The following SESTD1 variants were observed in gnomAD, a reference collection of about 807,000 sequenced individuals.
The protein encoded by SESTD1 is SEC14 domain and spectrin repeat-containing protein 1.
A neutral mutation model predicts 101.7 loss-of-function variants in SESTD1; 43 were observed. That is an observed-to-expected ratio of 0.42 (90% CI 0.33 to 0.55). SESTD1 has a LOEUF of 0.55. SESTD1 is among the 20% of genes least tolerant of loss of function. The pLI is 0.07. For missense variants in SESTD1, 647 were observed against 815.1 expected, an observed-to-expected ratio of 0.79 and a Z score of 2.51; for synonymous variants, 283 against 286.8, an observed-to-expected ratio of 0.99 and a Z score of 0.13.
At chr2:179,124,782 G>A (rs1474640863) in intron 10 of SESTD1, among the ~76,000 whole-genome samples, 3 of 151,810 alleles carry the variant, frequency 2.0e-5, no homozygotes, top group African/African-American at 4.8e-5. Flanking sequence ...AAACCTGTCC[G>A]CCCTCAGTCA....
At position 179,172,946 on chromosome 2, in the gene SESTD1, G is replaced by T. The variant is rs185820816; in HGVS notation, c.256-713C>A. Among the ~76,000 whole-genome samples, 282 of 152,204 alleles carry T rather than the reference G, an allele frequency of 1.9e-3. 1 individual carries two copies. Among genetic ancestry groups the T allele is most frequent in the African/African-American group, 6.5e-3 (268 of 41,514 alleles). Reference sequence around the variant, plus strand: ...CTTTCTGAAATATCATCATTACAAGGCTCCTTGCTTGACTTTCTCTTGCAC... The same window carrying T: ...CTTTCTGAAATATCATCATTACAAGTCTCCTTGCTTGACTTTCTCTTGCAC... On this transcript the variant is annotated intron_variant, in intron 4 of 17. Transcript: ENST00000428443.
chr2:179,105,663 A>C lies in SESTD1; in HGVS notation c.*4236T>G, dbSNP rs1452857738. On this transcript the variant is annotated 3_prime_UTR_variant, in exon 18 of 18. Transcript: ENST00000428443. The stretch of plus-strand genomic sequence containing the variant: ...TTATTCTGAAAAGATAATTATAGCA[A>C]TGATACCTTCCATTCTGTTTATTTC... 1.3e-5 allele frequency: 2 copies of C among 152,188 alleles called. No homozygotes were observed. The highest frequency in any genetic ancestry group is 4.8e-5 in the African/African-American group (2 of 41,446). 9.4% of individuals were successfully genotyped at this position (152,188 alleles called of 1,614,324 possible).
intron 1 of SESTD1, among the ~76,000 whole-genome samples, chr2:179,231,015 A>G (rs1323480486): frequency 6.6e-6 from 1 of 152,204 alleles, no homozygotes; most frequent in African/African-American, 2.4e-5. Context: ...CAAAACATAT[A>G]GAAAGCAAGG....
chr2:179,168,018 CT>C (rs2045866352), intron 5 of SESTD1, among the ~76,000 whole-genome samples: 1 of 152,292 alleles, frequency 6.6e-6, no homozygotes, highest in Admixed American at 6.5e-5. Flanking sequence ...CTGCCTTGGC[CT>C]CCCAAAGTGC....
chr2:179,104,299 C>A lies in SESTD1; in HGVS notation c.*5600G>T, dbSNP rs911054146. The stretch of plus-strand genomic sequence containing the variant: ...TCGATCCTTTCACCTTTACAAAATA[C>A]AATACATATATTTTGATGATATATT... On this transcript the variant is annotated 3_prime_UTR_variant, in exon 18 of 18. Coordinates refer to ENST00000428443, the MANE Select transcript of SESTD1 (RefSeq NM_178123.5). 1.3e-5 allele frequency: 2 copies of A among 152,074 alleles called. No homozygotes were observed. The allele number at this position is 152,074 out of a possible 1,614,324, so 9.4% of individuals were successfully genotyped here. A position where few individuals can be genotyped will look rare whatever the true frequency, so the allele number is the denominator to read the frequency against.
intron 2 of SESTD1, among the ~76,000 whole-genome samples, chr2:179,190,156 C>T (rs1205522081): frequency 6.6e-6 from 1 of 152,126 alleles, no homozygotes; most frequent in African/African-American, 2.4e-5. Flanking sequence ...AACTACACTA[C>T]AAGGCTGCAG....
At chr2:179,169,941 T>A (rs1234752637) in intron 5 of SESTD1, among the ~76,000 whole-genome samples, 2 of 141,936 alleles carry the variant, frequency 1.4e-5, no homozygotes, top group Admixed American at 1.5e-4. Flanking sequence ...ACCACTGCAC[T>A]CCAGCCTGGG....
Position 179,109,884 on chromosome 2 carries a change from G to A in SESTD1, c.*15C>T. On this transcript the variant is annotated 3_prime_UTR_variant, in exon 18 of 18. Transcript: ENST00000428443. ...CGGGATTATGAACTGCAAATCTGTAGGTAGCTGGTAGCTATTAGCTCTCTG... is the reference window on the plus strand; with the variant it reads ...CGGGATTATGAACTGCAAATCTGTAAGTAGCTGGTAGCTATTAGCTCTCTG... 2 of 1,612,830 alleles carry A rather than the reference G, an allele frequency of 1.2e-6. No individual in the cohort carries two copies. The highest frequency in any genetic ancestry group is 1.7e-6 in the Non-Finnish European group (2 of 1,179,464).
At chr2:179,219,728 T>C (rs1462078886) in intron 1 of SESTD1, among the ~76,000 whole-genome samples, 1 of 152,224 alleles carries the variant, frequency 6.6e-6, no homozygotes, top group Non-Finnish European at 1.5e-5. Context: ...TTGTGTGTTA[T>C]TGCAGGTGCC....
At chr2:179,128,381 G>C (rs1017531606) in intron 10 of SESTD1, among the ~76,000 whole-genome samples, 1 of 152,032 alleles carries the variant, frequency 6.6e-6, no homozygotes, top group African/African-American at 2.4e-5. Context: ...AAAAAAATCT[G>C]GCTAATACAT....
At chr2:179,217,693 C>A (rs565501045) in intron 1 of SESTD1, among the ~76,000 whole-genome samples, 1 of 152,064 alleles carries the variant, frequency 6.6e-6, no homozygotes, top group Non-Finnish European at 1.5e-5. Flanking sequence ...ATGTTTACTG[C>A]GGCACTATTC....
rs2154393384 is a variant in SESTD1 at position 179,104,451 on chromosome 2, A to T, written c.*5448T>A. ...AGACTAAAAAAGAATCTGTAACTGTAATAGAAAAGAAGTGAGGCTTGGTCA... is the reference window on the plus strand; with the variant it reads ...AGACTAAAAAAGAATCTGTAACTGTTATAGAAAAGAAGTGAGGCTTGGTCA... On this transcript the variant is annotated 3_prime_UTR_variant, in exon 18 of 18. Coordinates refer to ENST00000428443, the MANE Select transcript of SESTD1 (RefSeq NM_178123.5). 1 of 152,276 alleles carries T rather than the reference A, an allele frequency of 6.6e-6. No homozygotes were observed. The highest frequency in any genetic ancestry group is 2.4e-5 in the African/African-American group (1 of 41,560). The allele number at this position is 152,276 out of a possible 1,614,324, so 9.4% of individuals were successfully genotyped here.
chr2:179,145,843 A>G (rs1257902021), intron 8 of SESTD1, among the ~76,000 whole-genome samples: 1 of 152,234 alleles, frequency 6.6e-6, no homozygotes, highest in African/African-American at 2.4e-5. Flanking sequence ...TGAAAAATAA[A>G]AATACATAAA....
At chr2:179,261,412 CTG>C in intron 1 of SESTD1, among the ~76,000 whole-genome samples, 1 of 152,140 alleles carries the variant, frequency 6.6e-6, no homozygotes, top group East Asian at 1.9e-4. Flanking sequence ...CTCTTATTAA[CTG>C]TAAGGTTAAA....
chr2:179,145,702 G>A (rs566771222), intron 8 of SESTD1, among the ~76,000 whole-genome samples: 1 of 152,354 alleles, frequency 6.6e-6, no homozygotes, highest in African/African-American at 2.4e-5. Flanking sequence ...TAAAACAGTA[G>A]AGCTTTGGCT....
At position 179,117,536 on chromosome 2, in the gene SESTD1, G is replaced by C; in HGVS notation, c.1520C>G (p.Ala507Gly). The change falls in exon 14 of 18, where the codon GCC (alanine) becomes GGC (glycine). Residue 507 changes from alanine (A) to glycine (G), a missense_variant. Physicochemically the swap from Ala to Gly is moderately conservative, Grantham distance 60. Transcript: ENST00000428443. The stretch of plus-strand genomic sequence containing the variant: ...ATGTAGCTGACTGCTCCTTACCTGG[G>C]CAGCATCTTCTTCACATTTAAACAA... Reference protein sequence around the residue: ...VQLFKCEEDAAQAVEWLSELL... With the variant: ...VQLFKCEEDAGQAVEWLSELL... 1 of 1,571,542 alleles carries C rather than the reference G, an allele frequency of 6.4e-7. No individual in the cohort carries two copies. Among genetic ancestry groups the C allele is most frequent in the Non-Finnish European group, 8.6e-7 (1 of 1,165,136 alleles).
intron 5 of SESTD1, 36 bp from the exon 6 acceptor site, chr2:179,151,427 A>G: frequency 6.7e-7 from 1 of 1,492,208 alleles, no homozygotes; most frequent in Non-Finnish European, 9.1e-7. Context: ...ACATTTAGTA[A>G]CCCACTATTA....
At chr2:179,165,418 T>C (rs2045818306) in intron 5 of SESTD1, among the ~76,000 whole-genome samples, 1 of 152,164 alleles carries the variant, frequency 6.6e-6, no homozygotes, top group African/African-American at 2.4e-5. Context: ...GCCTATTTAG[T>C]TTAAGCAGGA....
At chr2:179,123,320 G>C (rs1343121962) in intron 12 of SESTD1, among the ~76,000 whole-genome samples, 1 of 152,060 alleles carries the variant, frequency 6.6e-6, no homozygotes, top group Non-Finnish European at 1.5e-5. Flanking sequence ...TTTTTCACAA[G>C]GTTAGGATAA....
Sources: allele counts gnomAD v4.1 joint callset (sites outside exome capture counted in the v4.1 genomes callset), GRCh38; gene constraint gnomAD v4.1.1; transcripts MANE v1.5; gene names NCBI Gene and HGNC (gene_info 2026-07-23, HGNC 2026-07-21).